Variants in CAMK2D observed in about 807,000 individuals in gnomAD.
The protein encoded by CAMK2D is calcium/calmodulin-dependent protein kinase type II subunit delta.
In CAMK2D, 37 loss-of-function variants were observed where a neutral mutation model predicts 84.0. The observed-to-expected ratio is 0.44, with a 90% CI of 0.34 to 0.58. CAMK2D has a LOEUF of 0.58. Ranked by LOEUF, CAMK2D falls within the 20% of genes least tolerant of loss-of-function variation. CAMK2D has a pLI of 0.02. For synonymous variants in CAMK2D, 202 were observed against 212.5 expected (o/e 0.95, Z 0.43); for missense variants, 448 against 652.5 (o/e 0.69, Z 3.41).
At chr4:113,649,768 T>C (rs2099165627) in intron 3 of CAMK2D, among the ~76,000 whole-genome samples, 1 of 152,202 alleles carries the variant, frequency 6.6e-6, no homozygotes, top group African/African-American at 2.4e-5. Context: ...TTCAACTCAA[T>C]CAAGCTTAAC....
At chr4:113,583,304 T>C (rs1211506029) in intron 4 of CAMK2D, among the ~76,000 whole-genome samples, 2 of 152,230 alleles carry the variant, frequency 1.3e-5, no homozygotes, top group Non-Finnish European at 2.9e-5. Flanking sequence ...TGGATGTATT[T>C]CATGTGGTAT....
At chr4:113,478,981 T>A (rs958323557) in intron 16 of CAMK2D, among the ~76,000 whole-genome samples, 7 of 152,170 alleles carry the variant, frequency 4.6e-5, no homozygotes, top group African/African-American at 7.2e-5. Context: ...ACATTTACCA[T>A]CTGTGTTTTG....
intron 4 of CAMK2D, among the ~76,000 whole-genome samples, chr4:113,594,213 G>A (rs2098911780): frequency 6.6e-6 from 1 of 152,162 alleles, no homozygotes; most frequent in Non-Finnish European, 1.5e-5. Context: ...AGTACCAAGA[G>A]GATGGTGCTA....
intron 2 of CAMK2D, among the ~76,000 whole-genome samples, chr4:113,727,092 G>A (rs1452121699): frequency 3.9e-5 from 6 of 152,156 alleles, no homozygotes; most frequent in African/African-American, 1.4e-4. Context: ...TCTGGGCTAT[G>A]AAATAAATGA....
chr4:113,503,140 G>A (rs2098079915), intron 14 of CAMK2D, 163 bp from the exon 15 acceptor site: 1 of 724,374 alleles, frequency 1.4e-6, no homozygotes, highest in South Asian at 1.5e-5. Flanking sequence ...TATCTCTGAT[G>A]AAAGATCTCC....
intron 3 of CAMK2D, among the ~76,000 whole-genome samples, chr4:113,657,241 C>T (rs1260755078): frequency 6.6e-6 from 1 of 152,100 alleles, no homozygotes; most frequent in African/African-American, 2.4e-5. Context: ...ATAGTAGCCA[C>T]CCGGTCCCCT....
Position 113,761,205 on chromosome 4 carries a change from G to T in CAMK2D, c.-137C>A. 6.5e-7 allele frequency: 1 copy of T among 1,549,254 alleles called. No homozygotes were observed. The highest frequency in any genetic ancestry group is 8.7e-7 in the Non-Finnish European group (1 of 1,153,178). On this transcript the variant is annotated 5_prime_UTR_variant, in exon 1 of 21. Transcript: ENST00000511664. ...TTCCTGGTCCGAAAGTAGCTCGCCC[G>T]CGAGGGAGTGTGCGCAGGGGCGGGG...
At chr4:113,520,826 A>T (rs919476254) in intron 8 of CAMK2D, among the ~76,000 whole-genome samples, 1 of 152,000 alleles carries the variant, frequency 6.6e-6, no homozygotes, top group Non-Finnish European at 1.5e-5. Flanking sequence ...CCAGGAGTTC[A>T]AGATTAGCCT....
At chr4:113,605,716 T>C (rs1355367552) in intron 4 of CAMK2D, among the ~76,000 whole-genome samples, 1 of 152,090 alleles carries the variant, frequency 6.6e-6, no homozygotes, top group Non-Finnish European at 1.5e-5. Context: ...AATCCCTGCG[T>C]TCCAATAACC....
At chr4:113,462,304 C>G (rs376700894) in intron 17 of CAMK2D, among the ~76,000 whole-genome samples, 17,574 of 99,484 alleles carry the variant, frequency 0.18, 1,476 homozygotes, top group East Asian at 0.34. Context: ...GTCTGTCTGT[C>G]TGTCTGTCTG....
chr4:113,584,073 G>A (rs1173517284), intron 4 of CAMK2D, among the ~76,000 whole-genome samples: 1 of 152,162 alleles, frequency 6.6e-6, no homozygotes, highest in Non-Finnish European at 1.5e-5. Context: ...GACTATGCCT[G>A]GGTATCTCAA....
chr4:113,642,184 C>T (rs1291318360), intron 3 of CAMK2D, among the ~76,000 whole-genome samples: 1 of 152,112 alleles, frequency 6.6e-6, no homozygotes, highest in African/African-American at 2.4e-5. Flanking sequence ...TTCAGAACCA[C>T]CCTCTAAAAG....
intron 3 of CAMK2D, among the ~76,000 whole-genome samples, chr4:113,612,568 CAT>C (rs1424958363): frequency 6.6e-6 from 1 of 152,164 alleles, no homozygotes; most frequent in Non-Finnish European, 1.5e-5. Context: ...ATAAGCTGCA[CAT>C]ATGAGTGGAC....
At chr4:113,760,338 C>T (rs2099638209) in intron 1 of CAMK2D, among the ~76,000 whole-genome samples, 1 of 152,106 alleles carries the variant, frequency 6.6e-6, no homozygotes. Context: ...ATAAATCCTC[C>T]CAGAGAACGC....
chr4:113,561,954 A>G (rs2098700612), intron 4 of CAMK2D, among the ~76,000 whole-genome samples: 5 of 152,174 alleles, frequency 3.3e-5, no homozygotes. Context: ...ATATTACCAA[A>G]TGGTTTATTG....
At chr4:113,650,517 CAAA>C (rs34938947) in intron 3 of CAMK2D, among the ~76,000 whole-genome samples, 4 of 86,910 alleles carry the variant, frequency 4.6e-5, no homozygotes, top group Non-Finnish European at 3.0e-5. Flanking sequence ...AACTCCATCT[CAAA>C]AAAAAAAAAA....
intron 18 of CAMK2D, among the ~76,000 whole-genome samples, chr4:113,459,061 A>G (rs2097339082): frequency 6.6e-6 from 1 of 152,198 alleles, no homozygotes; most frequent in African/African-American, 2.4e-5. Flanking sequence ...AAACTACCAC[A>G]AGTCTTAAAA....
chr4:113,692,401 G>A (rs908428819), intron 2 of CAMK2D, among the ~76,000 whole-genome samples: 2 of 152,038 alleles, frequency 1.3e-5, no homozygotes, highest in African/African-American at 4.8e-5. Context: ...TGTAATTCCT[G>A]TTGCCCTAAA....
rs2098775213 is a variant in CAMK2D at position 113,575,258 on chromosome 4, T to TG, written c.276-23163dup. On this transcript the variant is annotated intron_variant, in intron 4 of 20. Transcript: ENST00000511664. Reference sequence around the variant, plus strand: ...GAAGAACTAATATTATGTGTCTGTATGATAAATTGCAGTGTTTTATGCAAC... The same window carrying TG: ...GAAGAACTAATATTATGTGTCTGTATGGATAAATTGCAGTGTTTTATGCAAC... Among the ~76,000 whole-genome samples, 4 of 152,310 alleles carry TG rather than the reference T, an allele frequency of 2.6e-5. No homozygotes were observed. The South Asian group carries it at 8.3e-4, about 32-fold the overall frequency.
Sources: allele counts gnomAD v4.1 joint callset (sites outside exome capture counted in the v4.1 genomes callset), GRCh38; gene constraint gnomAD v4.1.1; transcripts MANE v1.5; gene names NCBI Gene and HGNC (gene_info 2026-07-23, HGNC 2026-07-21).